DPP9: variants seen among roughly 807,000 people sequenced by gnomAD.
DPP9 encodes the protein dipeptidyl peptidase 9, also known as dipeptidyl peptidase IV-related protein-2.
A neutral mutation model predicts 110.7 loss-of-function variants in DPP9; 50 were observed. The observed-to-expected ratio is 0.45, with a 90% CI of 0.36 to 0.57. The LOEUF (loss-of-function observed/expected upper bound fraction) is 0.57, where lower values mean the gene tolerates loss of function less well. Among genes scored for constraint, DPP9 ranks in the 20% least tolerant of loss-of-function variants. The pLI is 0.00. For missense variants in DPP9, 1,022 were observed against 1,217.9 expected, an observed-to-expected ratio of 0.84 and a Z score of 2.39; for synonymous variants, 561 against 514.4, an observed-to-expected ratio of 1.09 and a Z score of -1.23.
chr19:4,683,984 A>G (rs543539461), intron 18 of DPP9: 2 of 495,976 alleles, frequency 4.0e-6, no homozygotes, highest in Non-Finnish European at 6.9e-6. Flanking sequence ...AAGGGCACAA[A>G]GAATGGCTGG....
intron 3 of DPP9, among the ~76,000 whole-genome samples, chr19:4,715,321 C>A (rs962710632): frequency 3.3e-5 from 5 of 152,152 alleles, no homozygotes; most frequent in Non-Finnish European, 5.9e-5. Flanking sequence ...CTGCACCCAG[C>A]CTGCTTGGCC....
At chr19:4,677,636 G>A (rs910586649) in intron 21 of DPP9, among the ~76,000 whole-genome samples, 5 of 152,204 alleles carry the variant, frequency 3.3e-5, no homozygotes, top group Non-Finnish European at 2.9e-5. Context: ...CTGACATCAA[G>A]ACCAGCTTCC....
At chr19:4,703,654 A>C (rs7257678) in intron 7 of DPP9, among the ~76,000 whole-genome samples, 116,369 of 148,230 alleles carry the variant, frequency 0.79, 46,612 homozygotes, top group African/African-American at 0.91. Context: ...GCACTCCCAC[A>C]TGGGTGAGAC....
At chr19:4,713,886 C>T (rs943582980) in intron 4 of DPP9, among the ~76,000 whole-genome samples, 195 bp downstream of exon 4, 1 of 152,206 alleles carries the variant, frequency 6.6e-6, no homozygotes, top group African/African-American at 2.4e-5. Flanking sequence ...CTCCGGGGGC[C>T]GCCCCACCCA....
intron 4 of DPP9, among the ~76,000 whole-genome samples, chr19:4,709,234 T>G (rs80350581): frequency 2.0e-4 from 30 of 152,052 alleles, no homozygotes; most frequent in East Asian, 5.8e-4. Flanking sequence ...TTGTTTGTTT[T>G]TTTTTTTAAA....
intron 20 of DPP9, among the ~76,000 whole-genome samples, chr19:4,681,934 C>T (rs902540485): frequency 3.0e-4 from 46 of 150,882 alleles, no homozygotes; most frequent in African/African-American, 7.8e-4. Flanking sequence ...CTGCAAGCTC[C>T]GCCTCCCGGG....
Position 4,710,189 on chromosome 19 carries a change from A to G in DPP9, c.313+3892T>C, listed in dbSNP as rs2092765770. ...GGTGACCCAGGCCTGCGCAAACACC[A>G]TTTCCCGTCACTGCACGCTGTGGCC... On this transcript the variant is annotated intron_variant, in intron 4 of 21. Transcript: ENST00000262960. This position sits in a 1 kb window ranked among gnomAD's most constrained non-coding sequence, Gnocchi z 5.6. Among the ~76,000 whole-genome samples the G allele has an allele frequency of 6.6e-6, 1 of 151,992 alleles. No homozygotes were observed.
rs560227225 is a variant in DPP9 at position 4,703,225 on chromosome 19, G to T, written c.770-509C>A. ...GGTGAGATGTGGCCTTGACTTGATG[G>T]GGCTGGACAGGCAGAGTGGAGGGGA... On this transcript the variant is annotated intron_variant, in intron 7 of 21. Coordinates refer to ENST00000262960, the MANE Select transcript of DPP9 (RefSeq NM_139159.5). 9.1e-4 allele frequency among the ~76,000 whole-genome samples: 139 copies of T among 152,220 alleles called. 1 individual carries two copies. The highest frequency in any genetic ancestry group is 3.2e-3 in the African/African-American group (135 of 41,546).
rs1216229205 is a variant in DPP9 at position 4,684,077 on chromosome 19, G to A, written c.2179-448C>T. 2 of 355,220 alleles carry A rather than the reference G, an allele frequency of 5.6e-6. No individual in the cohort carries two copies. The highest frequency in any genetic ancestry group is 2.2e-5 in the South Asian group (1 of 45,838). 22.0% of individuals were successfully genotyped at this position (355,220 alleles called of 1,614,324 possible). ...AATGCTGGTGTCCCCTCTGAAGTCCGTGCTGAGATCACTACTGCGGCCTTC... is the reference window on the plus strand; with the variant it reads ...AATGCTGGTGTCCCCTCTGAAGTCCATGCTGAGATCACTACTGCGGCCTTC... On this transcript the variant is annotated intron_variant, in intron 18 of 21. Coordinates refer to ENST00000262960, the MANE Select transcript of DPP9 (RefSeq NM_139159.5). This position sits in a 1 kb window ranked among gnomAD's most constrained non-coding sequence, Gnocchi z 4.8.
In DPP9 at chr19:4,686,224, G is replaced by T. The variant is rs2090681408; in HGVS notation, c.1886-453C>A. The stretch of plus-strand genomic sequence containing the variant: ...CTGCCTCAGCCTCCTGAGTAGCTAG[G>T]ATTATAGGTGCACGGCACCACGCCC... On this transcript the variant is annotated intron_variant, in intron 16 of 21. Transcript: ENST00000262960. Among the ~76,000 whole-genome samples, 3 of 151,896 alleles carry T rather than the reference G, an allele frequency of 2.0e-5. No homozygotes were observed. The South Asian group carries it at 6.2e-4, about 31-fold the overall frequency.
rs780308253 is a variant in DPP9, at chr19:4,685,118, C to A, written c.2032-309G>T. On this transcript the variant is annotated intron_variant, in intron 17 of 21. Coordinates refer to ENST00000262960, the MANE Select transcript of DPP9 (RefSeq NM_139159.5). This position sits in a 1 kb window ranked among gnomAD's most constrained non-coding sequence, Gnocchi z 5.8. ...TGGGGTGGCTCCTTCTCGGGTGGGG[C>A]CATCTGGGCACTGCGGGGTGCTGAG... is the stretch of plus-strand genomic sequence containing the variant. 1.7e-6 allele frequency: 1 copy of A among 585,814 alleles called. No homozygotes were observed. The highest frequency in any genetic ancestry group is 1.5e-5 in the South Asian group (1 of 65,740). 36.3% of individuals were successfully genotyped at this position (585,814 alleles called of 1,614,324 possible).
At chr19:4,678,968 C>T (rs2089331494) in intron 21 of DPP9, among the ~76,000 whole-genome samples, 1 of 152,086 alleles carries the variant, frequency 6.6e-6, no homozygotes, top group Non-Finnish European at 1.5e-5. Flanking sequence ...CTCACAAGCC[C>T]GAGTCACCTC....
rs1243537134 is a variant in DPP9, at chr19:4,689,211, T to C, written c.1750-319A>G. Among the ~76,000 whole-genome samples, 1 of 152,224 alleles carries C rather than the reference T, an allele frequency of 6.6e-6. No homozygotes were observed. The highest frequency in any genetic ancestry group is 1.5e-5 in the Non-Finnish European group (1 of 68,028). ...CTTGCTGGCTCCACAGCTGGCAAACTGCAGCTGACTCGTGCCCTGGACTAG... is the reference window on the plus strand; with the variant it reads ...CTTGCTGGCTCCACAGCTGGCAAACCGCAGCTGACTCGTGCCCTGGACTAG... On this transcript the variant is annotated intron_variant, in intron 15 of 21. Coordinates refer to ENST00000262960, the MANE Select transcript of DPP9 (RefSeq NM_139159.5). This position sits in a 1 kb window ranked among gnomAD's most constrained non-coding sequence, Gnocchi z 7.0.
At chr19:4,702,385 G>A (rs1407993020) in intron 8 of DPP9, among the ~76,000 whole-genome samples, 1 of 152,182 alleles carries the variant, frequency 6.6e-6, no homozygotes, top group Non-Finnish European at 1.5e-5. Context: ...GCATGAACTG[G>A]CATGGGAAGT....
chr19:4,706,176 A>C (rs1344588657), intron 4 of DPP9, among the ~76,000 whole-genome samples: 2 of 151,974 alleles, frequency 1.3e-5, no homozygotes, highest in Non-Finnish European at 2.9e-5. Flanking sequence ...TTTCTGCTGA[A>C]TCTCACGGCC....
chr19:4,711,772 CAAAAAAAAAAAAAA>C (rs752279327), intron 4 of DPP9, among the ~76,000 whole-genome samples: 1 of 44,336 alleles, frequency 2.3e-5, no homozygotes, highest in African/African-American at 8.8e-5. Context: ...GACTCCATCT[CAAAAAAAAAAAAAA>C]AAAAAAAAAA....
chr19:4,685,616 G>A lies in DPP9; in HGVS notation c.2031+10C>T, dbSNP rs201199493. The A allele has an allele frequency of 5.4e-4, 862 of 1,598,268 alleles. No individual in the cohort carries two copies. The highest frequency in any genetic ancestry group is 6.9e-4 in the Non-Finnish European group (812 of 1,173,332). ...TGGGGTGGGGGCCTGGGGAGCAGGTGTGCACTCACCTGGGGGCCTCCATAT... is the reference window on the plus strand; with the variant it reads ...TGGGGTGGGGGCCTGGGGAGCAGGTATGCACTCACCTGGGGGCCTCCATAT... On this transcript the variant is annotated intron_variant, in intron 17 of 21. Coordinates refer to ENST00000262960, the MANE Select transcript of DPP9 (RefSeq NM_139159.5). The surrounding 1 kb of genome is among the most constrained non-coding windows in gnomAD (Gnocchi z 5.8).
chr19:4,681,065 C>A (rs979819056), intron 20 of DPP9, among the ~76,000 whole-genome samples: 1 of 152,200 alleles, frequency 6.6e-6, no homozygotes, highest in African/African-American at 2.4e-5. Flanking sequence ...GCTGCCCTAG[C>A]CCTTCCTGTC....
rs2091558740 is a variant in DPP9, at chr19:4,693,956, G to T, written c.1516+705C>A. Among the ~76,000 whole-genome samples, 1 of 151,844 alleles carries T rather than the reference G, an allele frequency of 6.6e-6. No homozygotes were observed. The highest frequency in any genetic ancestry group is 6.6e-5 in the Admixed American group (1 of 15,236). ...TGGCTCTGCCCAGAGCCGTGGTGTGGACCCCTCACCTCCACAGCATGCTCT... is the reference window on the plus strand; with the variant it reads ...TGGCTCTGCCCAGAGCCGTGGTGTGTACCCCTCACCTCCACAGCATGCTCT... On this transcript the variant is annotated intron_variant, in intron 13 of 21. Coordinates refer to ENST00000262960, the MANE Select transcript of DPP9 (RefSeq NM_139159.5). This position sits in a 1 kb window ranked among gnomAD's most constrained non-coding sequence, Gnocchi z 5.0.
Sources: allele counts gnomAD v4.1 joint callset (sites outside exome capture counted in the v4.1 genomes callset), GRCh38; gene constraint gnomAD v4.1.1; non-coding constraint Gnocchi (gnomAD v3.1); transcripts MANE v1.5; gene names NCBI Gene and HGNC (gene_info 2026-07-23, HGNC 2026-07-21).